HOMER2: variants seen among roughly 807,000 people sequenced by gnomAD.
The protein encoded by HOMER2 is homer protein homolog 2.
In HOMER2, 27 loss-of-function variants were observed where a neutral mutation model predicts 47.0. That is an observed-to-expected ratio of 0.57 (90% confidence interval 0.42 to 0.79). The LOEUF (loss-of-function observed/expected upper bound fraction) is 0.79. Ranked by LOEUF, HOMER2 falls within the 30% of genes least tolerant of loss-of-function variation. The pLI, the probability that HOMER2 is intolerant of heterozygous loss-of-function variation, is 0.00. For synonymous variants in HOMER2, 161 were observed against 163.8 expected (o/e 0.98, Z 0.13); for missense variants, 443 against 435.0 (o/e 1.02, Z -0.16).
chr15:82,980,519 G>C (rs1403838643), intron 1 of HOMER2, among the ~76,000 whole-genome samples: 1 of 152,150 alleles, frequency 6.6e-6, no homozygotes, highest in East Asian at 1.9e-4. Flanking sequence ...ATGTGGCTCT[G>C]CGTGGCGTGT....
rs1340252500 is a variant in HOMER2, at chr15:82,859,330, CAAA to C, written c.388-198_388-196del. 4.2e-6 allele frequency: 3 copies of C among 708,272 alleles called. No individual in the cohort carries two copies. In the South Asian group the frequency reaches 5.6e-5, roughly 13 times the overall value. The allele number at this position is 708,272 out of a possible 1,614,324, so 43.9% of individuals were successfully genotyped here. On this transcript the variant is annotated intron_variant, in intron 4 of 8. Coordinates refer to ENST00000450735, the MANE Select transcript of HOMER2 (RefSeq NM_004839.4). ...TTTTTTTTTTAAACAAACAAACAAACAAAAAAGAAAACAAAACCTAACAAAGAC... is the reference window on the plus strand; with the variant it reads ...TTTTTTTTTTAAACAAACAAACAAACAAAGAAAACAAAACCTAACAAAGAC...
intron 1 of HOMER2, among the ~76,000 whole-genome samples, chr15:82,945,423 AT>A (rs1206378353): frequency 6.6e-6 from 1 of 152,202 alleles, no homozygotes; most frequent in Admixed American, 6.5e-5. Flanking sequence ...GATGTATAAA[AT>A]GATTGCATTT....
chr15:82,923,632 T>C (rs1880547811), intron 1 of HOMER2, among the ~76,000 whole-genome samples: 1 of 152,104 alleles, frequency 6.6e-6, no homozygotes, highest in Non-Finnish European at 1.5e-5. Context: ...TGTTGGACAG[T>C]ACAGGGAGCT....
At chr15:82,942,256 T>C (rs529377659) in intron 1 of HOMER2, among the ~76,000 whole-genome samples, 1 of 152,362 alleles carries the variant, frequency 6.6e-6, no homozygotes, top group African/African-American at 2.4e-5. Context: ...TCTTACGACC[T>C]GTCTTCCTGG....
intron 1 of HOMER2, among the ~76,000 whole-genome samples, chr15:82,974,542 T>C (rs1769292521): frequency 6.6e-6 from 1 of 152,192 alleles, no homozygotes; most frequent in African/African-American, 2.4e-5. Flanking sequence ...TATGCTCTAA[T>C]CTGAGGAGAG....
upstream of HOMER2, among the ~76,000 whole-genome samples, chr15:82,954,226 T>A (rs1479002836): frequency 6.6e-6 from 1 of 152,216 alleles, no homozygotes; most frequent in African/African-American, 2.4e-5. Context: ...ACCTGAGGAT[T>A]CTGAAGTGTT....
intron 2 of HOMER2, among the ~76,000 whole-genome samples, chr15:82,889,718 T>C (rs539296331): frequency 6.6e-6 from 1 of 152,092 alleles, no homozygotes; most frequent in African/African-American, 2.4e-5. Context: ...TAGGGTTCTC[T>C]CTCCATGCCC....
chr15:82,955,811 A>G (rs537581214), upstream of HOMER2, among the ~76,000 whole-genome samples: 5 of 152,342 alleles, frequency 3.3e-5, no homozygotes, highest in South Asian at 8.3e-4. Flanking sequence ...TCCTTCTGTC[A>G]TAGGACTATA....
intron 1 of HOMER2, among the ~76,000 whole-genome samples, chr15:82,947,021 T>C (rs936668269): frequency 1.3e-4 from 20 of 152,342 alleles, no homozygotes; most frequent in African/African-American, 4.8e-4. Flanking sequence ...ATGTAGTTTA[T>C]CTCCCTTTTC....
chr15:82,854,910 C>A, intron 5 of HOMER2, 110 bp from the exon 6 acceptor site: 1 of 1,272,756 alleles, frequency 7.9e-7, no homozygotes, highest in Non-Finnish European at 1.1e-6. Context: ...GGGGGGCCCA[C>A]GCCCTCTCCC....
chr15:82,922,069 A>G (rs1337300495), intron 1 of HOMER2, among the ~76,000 whole-genome samples: 2 of 152,172 alleles, frequency 1.3e-5, no homozygotes, highest in African/African-American at 4.8e-5. Context: ...CAGATATTCT[A>G]TTCTAAGCTC....
chr15:82,849,237 G>GT lies in HOMER2; in HGVS notation c.*477dup, dbSNP rs149401837. 3,256 of 153,200 alleles carry GT rather than the reference G, an allele frequency of 0.021. 118 individuals carry two copies. The highest frequency in any genetic ancestry group is 0.071 in the African/African-American group (2,933 of 41,532). 9.5% of individuals were successfully genotyped at this position (153,200 alleles called of 1,614,324 possible). On this transcript the variant is annotated 3_prime_UTR_variant, in exon 9 of 9. Coordinates refer to ENST00000450735, the MANE Select transcript of HOMER2 (RefSeq NM_004839.4). The stretch of plus-strand genomic sequence containing the variant: ...CTCAGAAAGTTTCCACTAAACAGTT[G>GT]TTTTAAAGCCTCTCGATGTTGACAG...
At chr15:82,969,175 C>T (rs977211763) in intron 1 of HOMER2, among the ~76,000 whole-genome samples, 2 of 152,206 alleles carry the variant, frequency 1.3e-5, no homozygotes, top group Non-Finnish European at 2.9e-5. Context: ...TTAATAGCTT[C>T]CTGTAGGAAA....
At chr15:82,955,202 C>G (rs1366864405), upstream of HOMER2, among the ~76,000 whole-genome samples, 5 of 142,436 alleles carry the variant, frequency 3.5e-5, no homozygotes, top group East Asian at 1.0e-3. Flanking sequence ...CGGAGTCTCA[C>G]TCTGTTGCCC....
intron 1 of HOMER2, among the ~76,000 whole-genome samples, chr15:82,938,309 GGTTGCAGTAA>G (rs1180897500): frequency 1.3e-5 from 2 of 152,166 alleles, no homozygotes; most frequent in African/African-American, 4.8e-5. Flanking sequence ...AGGAGGCAGA[GGTTGCAGTAA>G]GTTGAGATCG....
chr15:82,944,550 C>T (rs1428761816), intron 1 of HOMER2, among the ~76,000 whole-genome samples: 1 of 152,188 alleles, frequency 6.6e-6, no homozygotes, highest in Non-Finnish European at 1.5e-5. Flanking sequence ...CAGAAAAATG[C>T]CTTTTCTCTA....
At chr15:82,900,699 G>A (rs1050639304) in intron 1 of HOMER2, among the ~76,000 whole-genome samples, 5 of 152,320 alleles carry the variant, frequency 3.3e-5, no homozygotes, top group African/African-American at 9.6e-5. Context: ...CATTAGTGGA[G>A]ACACAGAAAT....
chr15:82,889,402 A>G (rs375948745), intron 2 of HOMER2, among the ~76,000 whole-genome samples: 78 of 152,320 alleles, frequency 5.1e-4, no homozygotes, highest in African/African-American at 1.9e-3. Context: ...GCCAGTGAAC[A>G]TGGAACCAGA....
intron 1 of HOMER2, among the ~76,000 whole-genome samples, chr15:82,968,184 G>A (rs987196228): frequency 2.0e-5 from 3 of 152,178 alleles, no homozygotes; most frequent in East Asian, 1.9e-4. Context: ...TTACAGGCAT[G>A]AGCCACCATG....
Sources: allele counts gnomAD v4.1 joint callset (sites outside exome capture counted in the v4.1 genomes callset), GRCh38; gene constraint gnomAD v4.1.1; transcripts MANE v1.5; gene names NCBI Gene and HGNC (gene_info 2026-07-23, HGNC 2026-07-21).